Variants in MED13L observed in about 807,000 individuals in gnomAD.
MED13L encodes mediator of RNA polymerase II transcription subunit 13-like.
In MED13L, 7 loss-of-function variants were observed where a neutral mutation model predicts 220.9. The observed-to-expected ratio is 0.03, with a 90% confidence interval of 0.02 to 0.06. The LOEUF is 0.06. MED13L is among the 10% of genes least tolerant of loss of function. The probability of loss-of-function intolerance (pLI) is 1.00; values close to 1 mark genes in which losing one functional copy is unlikely to be tolerated. For synonymous variants in MED13L, 1,011 were observed against 1,015.2 expected (o/e 1.00, Z 0.08); for missense variants, 1,965 against 2,760.5 (o/e 0.71, Z 6.46).
chr12:115,984,516 T>TG, intron 19 of MED13L, 144 bp from the exon 20 acceptor site: 3 of 880,906 alleles, frequency 3.4e-6, no homozygotes, highest in Non-Finnish European at 5.2e-6. Flanking sequence ...CAAACCAACA[T>TG]TACAAGTTGG....
chr12:116,064,776 G>A (rs1033044248), intron 4 of MED13L, among the ~76,000 whole-genome samples: 3 of 152,148 alleles, frequency 2.0e-5, no homozygotes, highest in African/African-American at 7.2e-5. Context: ...ACACTGGTAC[G>A]GCACTGAGAC....
At chr12:115,972,673 A>G (rs977876206) in intron 25 of MED13L, among the ~76,000 whole-genome samples, 5 of 152,194 alleles carry the variant, frequency 3.3e-5, no homozygotes, top group African/African-American at 1.2e-4. Context: ...GTTGTAGGTT[A>G]GTTATTTCCA....
intron 4 of MED13L, among the ~76,000 whole-genome samples, chr12:116,076,948 C>T (rs1315037628): frequency 1.3e-5 from 2 of 152,162 alleles, no homozygotes; most frequent in Non-Finnish European, 2.9e-5. Context: ...ATTTTTAGGG[C>T]AACCTCTTCA....
intron 21 of MED13L, 114 bp downstream of exon 21, chr12:115,983,003 T>C (rs1877434424): frequency 7.6e-6 from 9 of 1,177,078 alleles, no homozygotes; most frequent in South Asian, 6.6e-5. Flanking sequence ...AGAAGAGAAA[T>C]AGAGCACTTC....
At chr12:116,073,526 A>G (rs1870553469) in intron 4 of MED13L, among the ~76,000 whole-genome samples, 1 of 152,238 alleles carries the variant, frequency 6.6e-6, no homozygotes, top group African/African-American at 2.4e-5. Flanking sequence ...AAGAGTGTAG[A>G]AATTAATTTC....
chr12:115,964,131 AC>A (rs761940877), intron 29 of MED13L, among the ~76,000 whole-genome samples: 2 of 152,060 alleles, frequency 1.3e-5, no homozygotes, highest in Non-Finnish European at 2.9e-5. Context: ...AACCCTCCCC[AC>A]AAAAAAACAA....
intron 2 of MED13L, among the ~76,000 whole-genome samples, chr12:116,204,922 A>T (rs1363456953): frequency 1.3e-5 from 2 of 152,244 alleles, no homozygotes; most frequent in Non-Finnish European, 2.9e-5. Context: ...TATCGCTGCC[A>T]AGAAAAAGCA....
intron 1 of MED13L, among the ~76,000 whole-genome samples, chr12:116,264,007 T>C (rs1486441750): frequency 2.6e-5 from 4 of 152,212 alleles, no homozygotes; most frequent in Non-Finnish European, 4.4e-5. Flanking sequence ...CCACAACGTA[T>C]GTATGCCAAC....
chr12:115,978,840 T>C (rs933429926), intron 23 of MED13L, among the ~76,000 whole-genome samples: 3 of 152,198 alleles, frequency 2.0e-5, no homozygotes, highest in African/African-American at 7.2e-5. Context: ...AGATATTCCA[T>C]GAAAAACAAA....
At chr12:116,071,530 G>A (rs1870369022) in intron 4 of MED13L, among the ~76,000 whole-genome samples, 1 of 152,154 alleles carries the variant, frequency 6.6e-6, no homozygotes, top group South Asian at 2.1e-4. Context: ...GAATTCAAGT[G>A]ATTCTCCTGC....
intron 4 of MED13L, among the ~76,000 whole-genome samples, chr12:116,035,200 A>C (rs570819094): frequency 3.3e-5 from 5 of 152,294 alleles, no homozygotes; most frequent in South Asian, 2.1e-4. Context: ...AAAAATATAC[A>C]AGCGTGAAAC....
At chr12:116,026,257 C>T (rs941794085) in intron 4 of MED13L, among the ~76,000 whole-genome samples, 1 of 152,000 alleles carries the variant, frequency 6.6e-6, no homozygotes, top group African/African-American at 2.4e-5. Context: ...ATAAAAATTT[C>T]AAAATAGTAT....
At chr12:116,124,940 T>TA (rs1358414475) in intron 2 of MED13L, among the ~76,000 whole-genome samples, 55 of 152,302 alleles carry the variant, frequency 3.6e-4, no homozygotes, top group African/African-American at 1.3e-3. Flanking sequence ...AGATCATAGT[T>TA]AAACCAAAAT....
intron 4 of MED13L, among the ~76,000 whole-genome samples, chr12:116,089,750 G>A (rs1470917669): frequency 6.6e-6 from 1 of 152,068 alleles, no homozygotes; most frequent in African/African-American, 2.4e-5. Flanking sequence ...AAAAACAGGA[G>A]CAGTCATTTC....
chr12:115,965,313 A>G (rs976534998), intron 29 of MED13L, among the ~76,000 whole-genome samples: 2 of 152,206 alleles, frequency 1.3e-5, no homozygotes, highest in Non-Finnish European at 2.9e-5. Flanking sequence ...CACTGATGAC[A>G]CTTAGGTTCT....
chr12:116,126,160 A>G (rs1352453610), intron 2 of MED13L, among the ~76,000 whole-genome samples: 2 of 152,238 alleles, frequency 1.3e-5, no homozygotes. Context: ...CAACACTGCC[A>G]ATATTTTTAC....
chr12:115,995,966 T>C (rs966399256), intron 16 of MED13L, among the ~76,000 whole-genome samples: 6 of 152,232 alleles, frequency 3.9e-5, no homozygotes, highest in Admixed American at 2.6e-4. Context: ...AGTCAGGGAC[T>C]GTCTGCATAC....
rs994536384 is a variant in MED13L, at chr12:115,975,800, A to C, written c.5365-62T>G. 1.9e-5 allele frequency: 28 copies of C among 1,506,872 alleles called. 2 individuals carry two copies. In the South Asian group the frequency reaches 3.2e-4, roughly 17 times the overall value. 93.3% of individuals were successfully genotyped at this position (1,506,872 alleles called of 1,614,324 possible). On this transcript the variant is annotated intron_variant, in intron 23 of 30. Coordinates refer to ENST00000281928, the MANE Select transcript of MED13L (RefSeq NM_015335.5). ...CATACAACTTAATGATTACAACAAA[A>C]TCCAGAACGACACTGAGGGGACCCA...
chr12:116,054,856 A>G (rs1308417910), intron 4 of MED13L, among the ~76,000 whole-genome samples: 2 of 152,216 alleles, frequency 1.3e-5, no homozygotes, highest in East Asian at 3.8e-4. Flanking sequence ...ACTCCTAGGT[A>G]TATACCCAAT....
Sources: allele counts gnomAD v4.1 joint callset (sites outside exome capture counted in the v4.1 genomes callset), GRCh38; gene constraint gnomAD v4.1.1; transcripts MANE v1.5; gene names NCBI Gene and HGNC (gene_info 2026-07-23, HGNC 2026-07-21).